PACRG: variants seen among roughly 807,000 people sequenced by gnomAD.
The protein encoded by PACRG is parkin coregulated gene protein.
Under a neutral mutation model 29.7 loss-of-function variants are expected in PACRG, and 29 were observed. The ratio of observed to expected loss-of-function variants is 0.98; its 90% CI spans 0.73 to 1.33. PACRG has a LOEUF of 1.33. Among genes scored for constraint, PACRG ranks in the 40% most tolerant of loss-of-function variants. The pLI, the probability that PACRG is intolerant of heterozygous loss-of-function variation, is 0.00. For synonymous variants in PACRG, 116 were observed against 118.7 expected (o/e 0.98, Z 0.15); for missense variants, 279 against 316.2 (o/e 0.88, Z 0.89).
intron 4 of PACRG, among the ~76,000 whole-genome samples, chr6:163,302,884 C>T (rs4708987): frequency 0.46 from 69,386 of 152,016 alleles, 18,086 homozygotes; most frequent in African/African-American, 0.72. Flanking sequence ...CTCTGTGCCC[C>T]GCTGTGCAGC....
intron 4 of PACRG, among the ~76,000 whole-genome samples, chr6:163,275,036 T>C (rs1783978766): frequency 6.6e-6 from 1 of 151,728 alleles, no homozygotes; most frequent in South Asian, 2.1e-4. Flanking sequence ...CTAGGTTTGT[T>C]TTTTGTTTTG....
At chr6:162,952,836 GATTT>G (rs1799751766) in intron 2 of PACRG, among the ~76,000 whole-genome samples, 1 of 152,126 alleles carries the variant, frequency 6.6e-6, no homozygotes, top group East Asian at 1.9e-4. Context: ...GGCACCAAAT[GATTT>G]ATTTTCTTCT....
intron 2 of PACRG, among the ~76,000 whole-genome samples, chr6:163,054,434 T>C (rs1214149097): frequency 2.0e-5 from 3 of 152,176 alleles, no homozygotes; most frequent in Non-Finnish European, 2.9e-5. Context: ...CCTCCAGAAC[T>C]GTGGGAAAAT....
intron 2 of PACRG, among the ~76,000 whole-genome samples, chr6:163,036,313 G>A (rs1223227534): frequency 2.6e-5 from 4 of 152,152 alleles, no homozygotes; most frequent in African/African-American, 7.2e-5. Context: ...CTTATAAAGA[G>A]CCACACTGTG....
chr6:163,062,650 T>G (rs899798586), intron 3 of PACRG, among the ~76,000 whole-genome samples: 91 of 152,318 alleles, frequency 6.0e-4, no homozygotes, highest in African/African-American at 2.1e-3. Context: ...CTTTTTTTTG[T>G]AAATGGCATC....
At chr6:163,052,692 A>G (rs970300855) in intron 2 of PACRG, among the ~76,000 whole-genome samples, 5 of 152,182 alleles carry the variant, frequency 3.3e-5, no homozygotes, top group African/African-American at 7.2e-5. Flanking sequence ...TTTATAAATT[A>G]CCCAGCCTCA....
intron 2 of PACRG, among the ~76,000 whole-genome samples, chr6:162,901,730 CTTTA>C (rs1795571968): frequency 6.6e-6 from 1 of 152,298 alleles, no homozygotes; most frequent in Admixed American, 6.5e-5. Flanking sequence ...TTGTTAAACA[CTTTA>C]TTTGTTAGAT....
chr6:162,949,489 G>T (rs2128130872), intron 2 of PACRG, among the ~76,000 whole-genome samples: 1 of 152,202 alleles, frequency 6.6e-6, no homozygotes, highest in East Asian at 1.9e-4. Flanking sequence ...TATCTCAAAG[G>T]AGCTAGAAGG....
chr6:162,922,818 C>T (rs1023136494), intron 2 of PACRG, among the ~76,000 whole-genome samples: 1 of 152,150 alleles, frequency 6.6e-6, no homozygotes, highest in African/African-American at 2.4e-5. Flanking sequence ...TGCTGATGGA[C>T]ATTCAGGTTG....
At chr6:163,267,753 CTG>C (rs1308801812) in intron 4 of PACRG, among the ~76,000 whole-genome samples, 1 of 152,182 alleles carries the variant, frequency 6.6e-6, no homozygotes, top group Non-Finnish European at 1.5e-5. Flanking sequence ...ACAATTTACT[CTG>C]TGAGTAAAGG....
intron 1 of PACRG, among the ~76,000 whole-genome samples, chr6:162,800,039 CTG>C (rs2128339289): frequency 6.6e-6 from 1 of 152,298 alleles, no homozygotes; most frequent in East Asian, 1.9e-4. Context: ...ATTAGCTAAG[CTG>C]TCTCAGTCAT....
chr6:162,733,325 C>A (rs2128250359), intron 1 of PACRG, among the ~76,000 whole-genome samples: 1 of 152,284 alleles, frequency 6.6e-6, no homozygotes, highest in Admixed American at 6.5e-5. Context: ...TATGTAAATT[C>A]TCCGTGAGGG....
chr6:162,888,908 A>G (rs886852315), intron 2 of PACRG, among the ~76,000 whole-genome samples: 2 of 152,236 alleles, frequency 1.3e-5, no homozygotes, highest in Non-Finnish European at 2.9e-5. Context: ...ACAGGAATTC[A>G]CAAGGAAAGA....
intron 2 of PACRG, among the ~76,000 whole-genome samples, chr6:162,983,090 T>C (rs143652998): frequency 9.5e-4 from 145 of 152,212 alleles, no homozygotes; most frequent in Middle Eastern, 3.4e-3. Context: ...GTTGTTGCCT[T>C]AAAGTCTGTC....
chr6:163,289,673 C>T (rs1375308906), intron 4 of PACRG, among the ~76,000 whole-genome samples: 11 of 152,094 alleles, frequency 7.2e-5, no homozygotes, highest in Non-Finnish European at 1.3e-4. Context: ...TTGTCCTCCC[C>T]AGCCCTGTAC....
chr6:162,867,088 C>G (rs1792360552), intron 2 of PACRG, among the ~76,000 whole-genome samples: 1 of 152,160 alleles, frequency 6.6e-6, no homozygotes, highest in Non-Finnish European at 1.5e-5. Context: ...GGTCTCCACT[C>G]CTTGTCCTGC....
At chr6:163,095,556 G>GCT (rs1261754589) in intron 4 of PACRG, 2 of 578,806 alleles carry the variant, frequency 3.5e-6, no homozygotes, top group Non-Finnish European at 4.4e-6. Flanking sequence ...GACAGGGCCA[G>GCT]CTCTCACTGC....
At chr6:162,804,507 A>G (rs989987435) in intron 1 of PACRG, among the ~76,000 whole-genome samples, 25 of 152,280 alleles carry the variant, frequency 1.6e-4, no homozygotes, top group Admixed American at 5.2e-4. Flanking sequence ...TAATTTTCAT[A>G]CGGTTTTGTT....
rs371592277 is a variant in PACRG at position 162,943,440 on chromosome 6, C to A, written c.292-118710C>A. On this transcript the variant is annotated intron_variant, in intron 2 of 4. Coordinates refer to ENST00000366888, the MANE Select transcript of PACRG (RefSeq NM_001080379.2). ...GGACAAGGTACCCTGCCTGCCACCA[C>A]CACCAGGCTGAAGTGCACACTCCCC... Among the ~76,000 whole-genome samples, 16 of 152,278 alleles carry A rather than the reference C, an allele frequency of 1.1e-4. No homozygotes were observed. In the East Asian group the frequency reaches 2.7e-3, roughly 26 times the overall value.
Sources: gnomAD v4.1 joint callset for allele counts (sites outside exome capture counted in the v4.1 genomes callset) on GRCh38, gnomAD v4.1.1 for gene constraint, MANE v1.5 for transcripts, NCBI Gene and HGNC (gene_info 2026-07-23, HGNC 2026-07-21) for gene names.